Variants in ITGA9 observed in about 807,000 individuals in gnomAD.
ITGA9 encodes integrin subunit alpha 9.
A neutral mutation model predicts 127.8 loss-of-function variants in ITGA9; 56 were observed. That is an observed-to-expected ratio of 0.44 (90% CI 0.35 to 0.55). ITGA9 has a LOEUF of 0.55. ITGA9 is among the 20% of genes least tolerant of loss of function. ITGA9 has a pLI of 0.00. For synonymous variants in ITGA9, 508 were observed against 514.5 expected, an observed-to-expected ratio of 0.99 and a Z score of 0.17; for missense variants, 1,196 against 1,347.1, an observed-to-expected ratio of 0.89 and a Z score of 1.76.
At chr3:37,626,060 C>T (rs1214540295) in intron 15 of ITGA9, among the ~76,000 whole-genome samples, 1 of 152,224 alleles carries the variant, frequency 6.6e-6, no homozygotes, top group Non-Finnish European at 1.5e-5. Flanking sequence ...GGTTTCCCTC[C>T]TCAGCCACCA....
intron 26 of ITGA9, among the ~76,000 whole-genome samples, chr3:37,791,714 C>T (rs900462505): frequency 7.2e-5 from 11 of 152,176 alleles, no homozygotes; most frequent in African/African-American, 2.4e-4. Flanking sequence ...TGGCACAGCC[C>T]CTCCACAGTC....
intron 18 of ITGA9, 71 bp from the exon 19 acceptor site, chr3:37,732,641 C>T (rs1380723700): frequency 6.2e-6 from 7 of 1,136,980 alleles, no homozygotes; most frequent in Non-Finnish European, 9.2e-6. Flanking sequence ...GACTCGATTG[C>T]CCCGTGGAGC....
At chr3:37,628,781 C>A (rs183359962) in intron 15 of ITGA9, among the ~76,000 whole-genome samples, 1 of 152,202 alleles carries the variant, frequency 6.6e-6, no homozygotes, top group African/African-American at 2.4e-5. Flanking sequence ...AACACAAAAT[C>A]CATATTTATC....
At position 37,802,913 on chromosome 3, in the gene ITGA9, C is replaced by T. The variant is rs138377259; in HGVS notation, c.2890-910C>T. On this transcript the variant is annotated intron_variant, in intron 26 of 27. Coordinates refer to ENST00000264741, the MANE Select transcript of ITGA9 (RefSeq NM_002207.3). ...TGGGTTTCAGGAAAAGTTGGGAAAA[C>T]TTGCCTCATTGGAACATGGGCTCCA... Among the ~76,000 whole-genome samples, 7 of 152,326 alleles carry T rather than the reference C, an allele frequency of 4.6e-5. No individual in the cohort carries two copies. In the East Asian group the frequency reaches 1.4e-3, roughly 29 times the overall value.
chr3:37,759,518 T>C (rs945351784), intron 23 of ITGA9, among the ~76,000 whole-genome samples: 1 of 152,130 alleles, frequency 6.6e-6, no homozygotes, highest in African/African-American at 2.4e-5. Flanking sequence ...GTAATAATAT[T>C]GATGAATAAA....
Position 37,761,054 on chromosome 3 carries a change from G to T in ITGA9, c.2541+10485G>T, listed in dbSNP as rs193123498. On this transcript the variant is annotated intron_variant, in intron 23 of 27. Transcript: ENST00000264741. ...CATGCCTGTCATCCCAGCACTTTGG[G>T]AGGCTGAAGCAGGAGGATCACTTGA... Among the ~76,000 whole-genome samples, 3 of 152,334 alleles carry T rather than the reference G, an allele frequency of 2.0e-5. No homozygotes were observed. In the East Asian group the frequency reaches 5.8e-4, roughly 29 times the overall value.
At chr3:37,554,520 A>G (rs1310015545) in intron 15 of ITGA9, among the ~76,000 whole-genome samples, 1 of 151,854 alleles carries the variant, frequency 6.6e-6, no homozygotes, top group Non-Finnish European at 1.5e-5. Context: ...CCTGCCTTCC[A>G]TTTTTACAGG....
intron 4 of ITGA9, among the ~76,000 whole-genome samples, chr3:37,482,382 C>A (rs556062999): frequency 6.6e-6 from 1 of 152,334 alleles, no homozygotes; most frequent in African/African-American, 2.4e-5. Context: ...TTGAGTCAGT[C>A]ACTATTTAGC....
intron 18 of ITGA9, among the ~76,000 whole-genome samples, chr3:37,700,293 A>C (rs1559571768): frequency 6.7e-6 from 1 of 149,822 alleles, no homozygotes; most frequent in African/African-American, 2.5e-5. Flanking sequence ...CGGACATACT[A>C]TTTGTTTGTT....
chr3:37,620,195 C>G (rs1700114567), intron 15 of ITGA9, among the ~76,000 whole-genome samples: 1 of 152,238 alleles, frequency 6.6e-6, no homozygotes, highest in African/African-American at 2.4e-5. Flanking sequence ...TTTTAGGATT[C>G]TGCCTGTCAC....
intron 4 of ITGA9, among the ~76,000 whole-genome samples, chr3:37,482,802 T>C (rs1698570561): frequency 6.6e-6 from 1 of 152,202 alleles, no homozygotes; most frequent in African/African-American, 2.4e-5. Flanking sequence ...TGGTTTTTCT[T>C]TCTCCTCTGT....
At chr3:37,643,401 G>C (rs1700350364) in intron 16 of ITGA9, among the ~76,000 whole-genome samples, 1 of 152,188 alleles carries the variant, frequency 6.6e-6, no homozygotes, top group Admixed American at 6.5e-5. Flanking sequence ...TCTTCTCCAA[G>C]GTTAACCCCA....
intron 17 of ITGA9, among the ~76,000 whole-genome samples, chr3:37,672,718 G>GGATT (rs918257990): frequency 6.6e-6 from 1 of 151,910 alleles, no homozygotes; most frequent in African/African-American, 2.4e-5. Flanking sequence ...AAACCACAGG[G>GGATT]GATTACCTAT....
At chr3:37,770,617 T>C (rs1370161997) in intron 23 of ITGA9, among the ~76,000 whole-genome samples, 6 of 152,304 alleles carry the variant, frequency 3.9e-5, no homozygotes, top group Middle Eastern at 3.4e-3. Context: ...ACGACAACAT[T>C]TGAAACAAAG....
chr3:37,576,798 G>A (rs1403277012), intron 15 of ITGA9, among the ~76,000 whole-genome samples: 1 of 152,162 alleles, frequency 6.6e-6, no homozygotes, highest in African/African-American at 2.4e-5. Context: ...CAGAGGCAGG[G>A]GTTTCGCCAT....
At chr3:37,665,362 G>C (rs189126150) in intron 17 of ITGA9, among the ~76,000 whole-genome samples, 2 of 152,246 alleles carry the variant, frequency 1.3e-5, no homozygotes, top group South Asian at 2.1e-4. Context: ...AAGGCAAAAT[G>C]CTCAACCAAA....
intron 22 of ITGA9, chr3:37,745,339 T>C (rs1357587047): frequency 6.6e-6 from 1 of 152,280 alleles, no homozygotes; most frequent in Admixed American, 6.5e-5. Flanking sequence ...CACCCTGCTC[T>C]TGATTTACAG....
intron 1 of ITGA9, among the ~76,000 whole-genome samples, chr3:37,469,568 C>A (rs913247997): frequency 6.6e-6 from 1 of 152,192 alleles, no homozygotes; most frequent in Non-Finnish European, 1.5e-5. Flanking sequence ...AGCAATTCCC[C>A]TCCCTAATTG....
chr3:37,675,900 C>T (rs1700677221), intron 17 of ITGA9, among the ~76,000 whole-genome samples: 1 of 151,906 alleles, frequency 6.6e-6, no homozygotes, highest in South Asian at 2.1e-4. Context: ...TGCACCACCA[C>T]ACCCAGCTGA....
Sources: allele counts gnomAD v4.1 joint callset (sites outside exome capture counted in the v4.1 genomes callset), GRCh38; gene constraint gnomAD v4.1.1; transcripts MANE v1.5; gene names NCBI Gene and HGNC (gene_info 2026-07-23, HGNC 2026-07-21).